The following MYO10 variants were observed in gnomAD, a reference collection of about 807,000 sequenced individuals.
MYO10 encodes unconventional myosin-X.
In MYO10, 133 loss-of-function variants were observed where a neutral mutation model predicts 257.3. The observed-to-expected ratio is 0.52, with a 90% CI of 0.45 to 0.60. MYO10 has a LOEUF of 0.60. Among genes scored for constraint, MYO10 ranks in the 20% least tolerant of loss-of-function variants. The pLI is 0.00. For missense variants in MYO10, 2,399 were observed against 2,635.7 expected (o/e 0.91, Z 1.97); for synonymous variants, 1,104 against 1,028.6 (o/e 1.07, Z -1.40).
chr5:16,931,089 T>C (rs1241407662), intron 1 of MYO10, among the ~76,000 whole-genome samples: 1 of 151,986 alleles, frequency 6.6e-6, no homozygotes, highest in African/African-American at 2.4e-5. Context: ...CTGACCAACA[T>C]GGAGAAACCC....
intron 1 of MYO10, among the ~76,000 whole-genome samples, chr5:16,904,842 T>C (rs1429630321): frequency 6.6e-6 from 1 of 151,886 alleles, no homozygotes; most frequent in Non-Finnish European, 1.5e-5. Flanking sequence ...GGCAAGAGAA[T>C]GGCGTGAACC....
intron 1 of MYO10, among the ~76,000 whole-genome samples, chr5:16,889,478 AGAAGGAAGGAAGGAAGGAAGGAAGGAAG>A (rs151266743): frequency 0.39 from 51,214 of 131,888 alleles, 9,936 homozygotes; most frequent in Admixed American, 0.49. Flanking sequence ...AAGAAAAGAA[AGAAGGAAGGAAGGAAGGAAGGAAGGAAG>A]GAAGGAAGGA....
intron 19 of MYO10, among the ~76,000 whole-genome samples, chr5:16,745,003 C>T (rs1013963594): frequency 6.6e-6 from 1 of 152,170 alleles, no homozygotes; most frequent in African/African-American, 2.4e-5. Context: ...AGAAGAGCAG[C>T]GAATGGAAGA....
At chr5:16,818,252 T>C in intron 2 of MYO10, 85 bp from the exon 3 acceptor site, 1 of 1,220,102 alleles carries the variant, frequency 8.2e-7, no homozygotes. Flanking sequence ...CAATACAATC[T>C]CAGTATAATT....
intron 16 of MYO10, among the ~76,000 whole-genome samples, 160 bp from the exon 17 acceptor site, chr5:16,761,706 A>C (rs1336793774): frequency 6.6e-6 from 1 of 152,184 alleles, no homozygotes; most frequent in East Asian, 1.9e-4. Flanking sequence ...GCTGAAGTGC[A>C]GTGACGTGAT....
chr5:16,707,184 T>TCC (rs1407207471), intron 21 of MYO10, among the ~76,000 whole-genome samples: 1 of 152,200 alleles, frequency 6.6e-6, no homozygotes, highest in Non-Finnish European at 1.5e-5. Context: ...TCATGAGGCC[T>TCC]CCCCAGCCAT....
At chr5:16,843,934 A>G (rs1743556933) in intron 2 of MYO10, among the ~76,000 whole-genome samples, 1 of 152,198 alleles carries the variant, frequency 6.6e-6, no homozygotes, top group African/African-American at 2.4e-5. Flanking sequence ...ATGGTTATAC[A>G]AGAACTTCAA....
intron 40 of MYO10, 102 bp from the exon 41 acceptor site, chr5:16,666,895 T>G: frequency 1.2e-6 from 1 of 829,746 alleles, no homozygotes; most frequent in Non-Finnish European, 1.9e-6. Context: ...TCCCGTAGCC[T>G]TCCATGCTAA....
chr5:16,765,265 T>C (rs1740829735), intron 11 of MYO10, among the ~76,000 whole-genome samples: 1 of 152,024 alleles, frequency 6.6e-6, no homozygotes, highest in South Asian at 2.1e-4. Flanking sequence ...AAGCTCCTAG[T>C]GAAAATAAAG....
At chr5:16,679,041 A>G (rs1334805708) in intron 33 of MYO10, among the ~76,000 whole-genome samples, 3 of 152,244 alleles carry the variant, frequency 2.0e-5, no homozygotes, top group Non-Finnish European at 4.4e-5. Flanking sequence ...TTCATCTCAC[A>G]TAGATTTACT....
At position 16,863,414 on chromosome 5, in the gene MYO10, T is replaced by A. The variant is rs1048796802; in HGVS notation, c.120+14195A>T. Among the ~76,000 whole-genome samples the A allele has an allele frequency of 3.9e-4, 60 of 152,082 alleles. 2 individuals carry two copies. On this transcript the variant is annotated intron_variant, in intron 2 of 40. Coordinates refer to ENST00000513610, the MANE Select transcript of MYO10 (RefSeq NM_012334.3). ...TTAAAGGGGCCAGGCCCCAGAGACCTCCTGGTCTCACCCATGGATTTTTCA... is the reference window on the plus strand; with the variant it reads ...TTAAAGGGGCCAGGCCCCAGAGACCACCTGGTCTCACCCATGGATTTTTCA...
intron 1 of MYO10, among the ~76,000 whole-genome samples, chr5:16,921,649 AAC>A (rs1229299166): frequency 6.8e-6 from 1 of 146,988 alleles, no homozygotes; most frequent in East Asian, 2.1e-4. Context: ...AAAAAAAAAA[AAC>A]GAAAACAGTG....
At chr5:16,712,446 C>T (rs1738662706) in intron 19 of MYO10, among the ~76,000 whole-genome samples, 1 of 152,174 alleles carries the variant, frequency 6.6e-6, no homozygotes. Context: ...TCCACCCACC[C>T]GTGTTCCCTT....
At chr5:16,854,152 TC>T (rs1677917904) in intron 2 of MYO10, 1 of 152,168 alleles carries the variant, frequency 6.6e-6, no homozygotes, top group Admixed American at 6.6e-5. Context: ...ATCTCACTGC[TC>T]TTAACTATAT....
At chr5:16,839,199 T>C (rs537541123) in intron 2 of MYO10, among the ~76,000 whole-genome samples, 1 of 152,264 alleles carries the variant, frequency 6.6e-6, no homozygotes, top group South Asian at 2.1e-4. Context: ...CCAGGCAAAA[T>C]ACATTGAAAA....
chr5:16,929,862 C>G (rs867156331), intron 1 of MYO10, among the ~76,000 whole-genome samples: 5 of 152,046 alleles, frequency 3.3e-5, no homozygotes, highest in Admixed American at 2.6e-4. Flanking sequence ...GAGTACAGGG[C>G]TGACTGTACT....
At chr5:16,859,298 T>C (rs901244376) in intron 2 of MYO10, among the ~76,000 whole-genome samples, 3 of 152,176 alleles carry the variant, frequency 2.0e-5, no homozygotes, top group African/African-American at 7.2e-5. Context: ...TGGGACCTTG[T>C]AGCTGTGCCC....
Position 16,829,512 on chromosome 5 carries a change from T to C in MYO10, c.121-11345A>G, listed in dbSNP as rs935035679. 2.6e-5 allele frequency among the ~76,000 whole-genome samples: 4 copies of C among 152,214 alleles called. No homozygotes were observed. The East Asian group carries it at 5.8e-4, about 22-fold the overall frequency. On this transcript the variant is annotated intron_variant, in intron 2 of 40. Transcript: ENST00000513610. The stretch of plus-strand genomic sequence containing the variant: ...AATGGAAGGTTTCTTCCTGCCGTCA[T>C]GTACACAAATCGCGCACCCCCAAAA...
intron 16 of MYO10, 124 bp downstream of exon 16, chr5:16,761,921 G>A (rs1740724203): frequency 9.8e-7 from 1 of 1,018,690 alleles, no homozygotes; most frequent in Non-Finnish European, 1.4e-6. Flanking sequence ...CCAAAGTACT[G>A]GGACTGTAGG....
Sources: allele counts gnomAD v4.1 joint callset (sites outside exome capture counted in the v4.1 genomes callset), GRCh38; gene constraint gnomAD v4.1.1; transcripts MANE v1.5; gene names NCBI Gene and HGNC (gene_info 2026-07-23, HGNC 2026-07-21).